CTNNA3: variants seen among roughly 807,000 people sequenced by gnomAD.
CTNNA3 encodes the protein catenin alpha-3.
CTNNA3 carries 76 observed loss-of-function variants against 95.7 expected under a neutral mutation model. The ratio of observed to expected loss-of-function variants is 0.79; its 90% CI spans 0.66 to 0.96. CTNNA3 has a LOEUF of 0.96. Ranked by LOEUF, CTNNA3 falls within the 40% of genes least tolerant of loss-of-function variation. The pLI is 0.00. For synonymous variants in CTNNA3, 431 were observed against 374.4 expected, an observed-to-expected ratio of 1.15 and a Z score of -1.74; for missense variants, 1,191 against 1,089.8, an observed-to-expected ratio of 1.09 and a Z score of -1.31.
At chr10:67,725,636 C>A (rs1181114223) in intron 1 of CTNNA3, among the ~76,000 whole-genome samples, 2 of 151,294 alleles carry the variant, frequency 1.3e-5, no homozygotes, top group Admixed American at 6.6e-5. Flanking sequence ...GCCAAGATAA[C>A]CAAGGGAGGG....
intron 7 of CTNNA3, among the ~76,000 whole-genome samples, chr10:66,909,387 G>A (rs1846126908): frequency 6.6e-6 from 1 of 152,132 alleles, no homozygotes; most frequent in Non-Finnish European, 1.5e-5. Context: ...GCACATGCCT[G>A]TAATCCCATC....
chr10:66,089,667 A>G (rs771367612), intron 14 of CTNNA3, among the ~76,000 whole-genome samples: 22 of 151,798 alleles, frequency 1.4e-4, no homozygotes, highest in Non-Finnish European at 2.9e-4. Flanking sequence ...TTTTATCACT[A>G]CACAAGGTCC....
intron 1 of CTNNA3, among the ~76,000 whole-genome samples, chr10:67,742,758 G>C (rs1841349742): frequency 6.6e-6 from 1 of 150,982 alleles, no homozygotes. Flanking sequence ...CCGCTAGCAA[G>C]ACTAATAAGG....
Position 66,067,953 on chromosome 10 carries a change from CT to C in CTNNA3, c.2159+1354del, listed in dbSNP as rs532722982. The stretch of plus-strand genomic sequence containing the variant: ...AAAGTTTATCACTTTATATTATTTC[CT>C]TTGGATAGGTTCCCTGAAGTATAGT... On this transcript the variant is annotated intron_variant, in intron 15 of 17. Transcript: ENST00000433211. 1.9e-3 allele frequency among the ~76,000 whole-genome samples: 295 copies of C among 152,084 alleles called. 1 individual carries two copies. Among genetic ancestry groups the C allele is most frequent in the Non-Finnish European group, 3.4e-3 (232 of 67,952 alleles).
At chr10:66,055,947 A>G (rs1479136061) in intron 15 of CTNNA3, among the ~76,000 whole-genome samples, 2 of 148,662 alleles carry the variant, frequency 1.3e-5, no homozygotes, top group African/African-American at 5.0e-5. Flanking sequence ...AAAAAAAGAT[A>G]TAAAATCATA....
intron 14 of CTNNA3, among the ~76,000 whole-genome samples, chr10:66,077,787 C>T (rs1401698154): frequency 6.6e-6 from 1 of 151,724 alleles, no homozygotes; most frequent in Non-Finnish European, 1.5e-5. Flanking sequence ...GTGATCCTAG[C>T]ACGGCCATAT....
At chr10:67,762,383 C>A (rs7923902) in intron 1 of CTNNA3, among the ~76,000 whole-genome samples, 33,277 of 136,928 alleles carry the variant, frequency 0.24, 4,692 homozygotes, top group East Asian at 0.45. Flanking sequence ...CTCCCCCCCC[C>A]AAAAAAAAAA....
chr10:67,209,468 GAAGT>G (rs1464281913), intron 6 of CTNNA3, among the ~76,000 whole-genome samples: 4 of 152,162 alleles, frequency 2.6e-5, no homozygotes, highest in South Asian at 4.1e-4. Flanking sequence ...ACAGAAAACA[GAAGT>G]AAGAATGAAG....
chr10:66,677,732 T>C (rs1846911842), intron 9 of CTNNA3, among the ~76,000 whole-genome samples: 1 of 152,168 alleles, frequency 6.6e-6, no homozygotes, highest in Admixed American at 6.6e-5. Context: ...TCCCCAGCCA[T>C]GTGGAACCTC....
At chr10:67,440,206 C>T (rs1846450542) in intron 5 of CTNNA3, among the ~76,000 whole-genome samples, 1 of 152,132 alleles carries the variant, frequency 6.6e-6, no homozygotes, top group Non-Finnish European at 1.5e-5. Flanking sequence ...GGAAGTAACT[C>T]TTGTCACCTG....
intron 11 of CTNNA3, among the ~76,000 whole-genome samples, chr10:66,422,006 G>A (rs187311050): frequency 6.7e-6 from 1 of 149,606 alleles, no homozygotes; most frequent in Non-Finnish European, 1.5e-5. Flanking sequence ...CCTTGGACAT[G>A]GATTGTATTT....
At chr10:67,677,357 A>C (rs1475035477) in intron 1 of CTNNA3, among the ~76,000 whole-genome samples, 4 of 152,182 alleles carry the variant, frequency 2.6e-5, no homozygotes, top group Admixed American at 2.6e-4. Flanking sequence ...ACATACTTAC[A>C]CACGCACGCA....
At chr10:67,231,173 A>G (rs1191937464) in intron 5 of CTNNA3, among the ~76,000 whole-genome samples, 1 of 152,252 alleles carries the variant, frequency 6.6e-6, no homozygotes, top group African/African-American at 2.4e-5. Context: ...GGAGCCCACC[A>G]CAGCTCAAGG....
At chr10:67,700,716 C>T (rs547293021), upstream of CTNNA3, among the ~76,000 whole-genome samples, 12 of 152,246 alleles carry the variant, frequency 7.9e-5, no homozygotes, top group South Asian at 6.2e-4. Flanking sequence ...AAAAGCAGAG[C>T]GCCTCTCCTC....
At chr10:65,976,985 C>CA (rs576970570) in intron 16 of CTNNA3, among the ~76,000 whole-genome samples, 10 of 151,816 alleles carry the variant, frequency 6.6e-5, no homozygotes, top group Admixed American at 1.3e-4. Context: ...ACAATTTTTA[C>CA]AAAAAAAATT....
chr10:67,347,500 C>T (rs543794261), intron 5 of CTNNA3, among the ~76,000 whole-genome samples: 16 of 152,106 alleles, frequency 1.1e-4, no homozygotes, highest in African/African-American at 3.6e-4. Context: ...TGCTGAACAC[C>T]CACTCTGTGC....
At chr10:66,272,901 C>T (rs2091312461) in intron 13 of CTNNA3, among the ~76,000 whole-genome samples, 2 of 152,274 alleles carry the variant, frequency 1.3e-5, no homozygotes, top group Non-Finnish European at 2.9e-5. Flanking sequence ...TCAGTCCGAA[C>T]ACATTTCCAT....
At chr10:66,811,469 T>A (rs1237605467) in intron 7 of CTNNA3, among the ~76,000 whole-genome samples, 1 of 152,212 alleles carries the variant, frequency 6.6e-6, no homozygotes, top group Non-Finnish European at 1.5e-5. Flanking sequence ...GCAGAATGCA[T>A]AGTAATAAAA....
At chr10:67,500,574 G>T (rs1839196871) in intron 5 of CTNNA3, among the ~76,000 whole-genome samples, 1 of 152,168 alleles carries the variant, frequency 6.6e-6, no homozygotes, top group Non-Finnish European at 1.5e-5. Context: ...TCTCTTTGTA[G>T]GGCTCTAAGA....
Sources: gnomAD v4.1 joint callset for allele counts (sites outside exome capture counted in the v4.1 genomes callset) on GRCh38, gnomAD v4.1.1 for gene constraint, MANE v1.5 for transcripts, NCBI Gene and HGNC (gene_info 2026-07-23, HGNC 2026-07-21) for gene names.